FIP1L1: variants seen among roughly 807,000 people sequenced by gnomAD.
FIP1L1 encodes the protein factor interacting with PAPOLA and CPSF1.
Under a neutral mutation model 84.6 loss-of-function variants are expected in FIP1L1, and 21 were observed. That is an observed-to-expected ratio of 0.25 (90% CI 0.18 to 0.36). FIP1L1 has a LOEUF of 0.36. Among genes scored for constraint, FIP1L1 ranks in the 10% least tolerant of loss-of-function variants. The probability of loss-of-function intolerance (pLI) is 1.00; values close to 1 mark genes in which losing one functional copy is unlikely to be tolerated. For missense variants in FIP1L1, 526 were observed against 751.1 expected (o/e 0.70, Z 3.50); for synonymous variants, 263 against 242.3 (o/e 1.09, Z -0.80).
chr4:53,409,664 C>G (rs1756000053), intron 10 of FIP1L1, among the ~76,000 whole-genome samples: 1 of 152,258 alleles, frequency 6.6e-6, no homozygotes, highest in African/African-American at 2.4e-5. Context: ...TTCCTGGCTG[C>G]TTTGTTTACT....
chr4:53,383,413 G>A lies in FIP1L1; in HGVS notation c.229-360G>A, dbSNP rs1285415220. 2.0e-5 allele frequency among the ~76,000 whole-genome samples: 3 copies of A among 152,212 alleles called. No individual in the cohort carries two copies. In the South Asian group the frequency reaches 6.2e-4, roughly 32 times the overall value. ...ATGGTGGCTCACGCCTGTAATTCCA[G>A]CACTTTGGGAGGCCAAGGTGGGTGG... is the stretch of plus-strand genomic sequence containing the variant. On this transcript the variant is annotated intron_variant, in intron 4 of 17. Transcript: ENST00000337488.
intron 5 of FIP1L1, 114 bp downstream of exon 5, chr4:53,383,990 C>A: frequency 1.0e-6 from 1 of 976,706 alleles, no homozygotes; most frequent in Non-Finnish European, 1.5e-6. Context: ...TCTATTTTAA[C>A]ATAAAAGAAC....
intron 13 of FIP1L1, among the ~76,000 whole-genome samples, chr4:53,428,599 TC>T (rs1765268456): frequency 1.0e-5 from 1 of 100,198 alleles, no homozygotes; most frequent in Non-Finnish European, 2.6e-5. Context: ...AGTCTGGTCT[TC>T]TTCTGTATAC....
intron 9 of FIP1L1, among the ~76,000 whole-genome samples, chr4:53,393,068 A>G (rs1227034049): frequency 6.6e-6 from 1 of 152,216 alleles, no homozygotes; most frequent in East Asian, 1.9e-4. Flanking sequence ...GATGAGCAGG[A>G]CATTGATTTT....
chr4:53,439,604 G>C (rs560549196), intron 13 of FIP1L1, among the ~76,000 whole-genome samples: 122 of 152,024 alleles, frequency 8.0e-4, no homozygotes, highest in African/African-American at 2.9e-3. Flanking sequence ...GACTAATTTT[G>C]ATGCAGTTTT....
At chr4:53,417,394 C>T (rs1339509859) in intron 11 of FIP1L1, among the ~76,000 whole-genome samples, 1 of 152,058 alleles carries the variant, frequency 6.6e-6, no homozygotes, top group Non-Finnish European at 1.5e-5. Context: ...GTAATCCCAG[C>T]ACTTTGGGAG....
chr4:53,404,271 T>C (rs1359482501), intron 10 of FIP1L1, among the ~76,000 whole-genome samples: 1 of 150,734 alleles, frequency 6.6e-6, no homozygotes, highest in African/African-American at 2.4e-5. Flanking sequence ...TTTGGTTTTT[T>C]GTTCTTGTGA....
chr4:53,377,865 A>T lies in FIP1L1; in HGVS notation c.27A>T (p.Leu9=). The T allele has an allele frequency of 5.0e-6, 8 of 1,599,250 alleles. No homozygotes were observed. The highest frequency in any genetic ancestry group is 6.8e-6 in the Non-Finnish European group (8 of 1,172,984). MSAGEVER[L]VSELSGGTGG... ...TGTCGGCCGGCGAGGTCGAGCGCCT[A>T]GTGTCGGAGCTGAGCGGCGGGACCG... Residue 9 remains leucine, a synonymous_variant, in exon 1 of 18, where the codon CTA becomes CTT. Transcript: ENST00000337488.
intron 11 of FIP1L1, among the ~76,000 whole-genome samples, chr4:53,417,763 A>ACTCTCT (rs58568620): frequency 1.9e-5 from 2 of 105,240 alleles, no homozygotes; most frequent in African/African-American, 7.3e-5. Context: ...ACACACACAC[A>ACTCTCT]CTCTCTCTCT....
At chr4:53,383,682 A>C in intron 4 of FIP1L1, 91 bp from the exon 5 acceptor site, 1 of 1,305,632 alleles carries the variant, frequency 7.7e-7, no homozygotes, top group South Asian at 1.5e-5. Context: ...AAAGAAAAAA[A>C]AAAACAGGGT....
At chr4:53,388,370 C>T (rs1742275995) in intron 5 of FIP1L1, among the ~76,000 whole-genome samples, 2 of 150,880 alleles carry the variant, frequency 1.3e-5, no homozygotes, top group African/African-American at 4.9e-5. Context: ...GATAGAGTCT[C>T]GCTCTTTTGC....
intron 10 of FIP1L1, among the ~76,000 whole-genome samples, chr4:53,409,923 C>A (rs1756220668): frequency 6.6e-6 from 1 of 152,236 alleles, no homozygotes; most frequent in Non-Finnish European, 1.5e-5. Flanking sequence ...AAAGGGAACT[C>A]CCTGACCCCT....
At chr4:53,418,700 A>G (rs17082736) in intron 11 of FIP1L1, among the ~76,000 whole-genome samples, 2,751 of 152,256 alleles carry the variant, frequency 0.018, 82 homozygotes, top group African/African-American at 0.063. Flanking sequence ...TCTTAAGCTT[A>G]TGTTCCTATA....
intron 11 of FIP1L1, among the ~76,000 whole-genome samples, chr4:53,419,640 T>C (rs1194060557): frequency 6.6e-6 from 1 of 152,078 alleles, no homozygotes; most frequent in Admixed American, 6.5e-5. Flanking sequence ...GGTCTCACTA[T>C]GTTGCTCAGG....
At chr4:53,432,587 C>T (rs1342735468) in intron 13 of FIP1L1, among the ~76,000 whole-genome samples, 1 of 152,036 alleles carries the variant, frequency 6.6e-6, no homozygotes, top group Non-Finnish European at 1.5e-5. Flanking sequence ...GATATAATAG[C>T]TAATACTTAT....
intron 5 of FIP1L1, among the ~76,000 whole-genome samples, chr4:53,386,319 A>G (rs1340017133): frequency 2.0e-5 from 3 of 152,182 alleles, no homozygotes; most frequent in Non-Finnish European, 2.9e-5. Context: ...CTACAAAAGA[A>G]CCCTTGGTAA....
At chr4:53,427,695 A>C (rs1488785011) in intron 12 of FIP1L1, among the ~76,000 whole-genome samples, 1 of 152,194 alleles carries the variant, frequency 6.6e-6, no homozygotes, top group African/African-American at 2.4e-5. Context: ...GACAAAGATA[A>C]TACTTGTTAA....
Position 53,382,140 on chromosome 4 carries a change from A to G in FIP1L1, c.171-138A>G, listed in dbSNP as rs1738408266. On this transcript the variant is annotated intron_variant, in intron 3 of 17. Coordinates refer to ENST00000337488, the MANE Select transcript of FIP1L1 (RefSeq NM_030917.4). Reference sequence around the variant, plus strand: ...GTTACTAGAAATAACGGAATAAGACAGTCAGATTTTACCATTACTGTCTCC... The same window carrying G: ...GTTACTAGAAATAACGGAATAAGACGGTCAGATTTTACCATTACTGTCTCC... 5.1e-6 allele frequency: 3 copies of G among 590,960 alleles called. No homozygotes were observed. In the African/African-American group the frequency reaches 5.7e-5, roughly 11 times the overall value. 36.6% of individuals were successfully genotyped at this position (590,960 alleles called of 1,614,324 possible).
intron 4 of FIP1L1, among the ~76,000 whole-genome samples, chr4:53,382,942 G>T (rs1018332546): frequency 3.3e-5 from 5 of 151,778 alleles, no homozygotes; most frequent in African/African-American, 1.2e-4. Context: ...TGCATGTAGG[G>T]CCTCTTCTAG....
Sources: allele counts gnomAD v4.1 joint callset (sites outside exome capture counted in the v4.1 genomes callset), GRCh38; gene constraint gnomAD v4.1.1; transcripts MANE v1.5; gene names NCBI Gene and HGNC (gene_info 2026-07-23, HGNC 2026-07-21).